The following KCNMA1 variants were observed in gnomAD, a reference collection of about 807,000 sequenced individuals.
The protein encoded by KCNMA1 is Calcium-activated potassium channel subunit alpha-1.
A neutral mutation model predicts 140.0 loss-of-function variants in KCNMA1; 29 were observed. That is an observed-to-expected ratio of 0.21 (90% CI 0.15 to 0.28). KCNMA1 has a LOEUF of 0.28. KCNMA1 is among the 10% of genes least tolerant of loss of function. The pLI, the probability that KCNMA1 is intolerant of heterozygous loss-of-function variation, is 1.00. For missense variants in KCNMA1, 880 were observed against 1,602.2 expected (o/e 0.55, Z 7.70); for synonymous variants, 612 against 611.9 (o/e 1.00, Z 0.00).
At chr10:77,037,265 T>TA (rs1196430583) in intron 15 of KCNMA1, among the ~76,000 whole-genome samples, 3 of 152,296 alleles carry the variant, frequency 2.0e-5, no homozygotes, top group Non-Finnish European at 4.4e-5. Flanking sequence ...TGGCCTGGTT[T>TA]AAGATATCAG....
intron 1 of KCNMA1, among the ~76,000 whole-genome samples, chr10:77,494,794 T>C (rs764422544): frequency 2.6e-5 from 4 of 152,144 alleles, no homozygotes; most frequent in Non-Finnish European, 4.4e-5. Flanking sequence ...AAGTCTGACA[T>C]GGAGATGTCG....
chr10:77,233,987 T>C (rs2054538291), intron 3 of KCNMA1, among the ~76,000 whole-genome samples: 1 of 152,216 alleles, frequency 6.6e-6, no homozygotes, highest in African/African-American at 2.4e-5. Context: ...CTTGTAACTT[T>C]TTTTAGCAAC....
chr10:77,592,513 C>A (rs2079516305), intron 1 of KCNMA1, among the ~76,000 whole-genome samples: 1 of 152,204 alleles, frequency 6.6e-6, no homozygotes, highest in Non-Finnish European at 1.5e-5. Flanking sequence ...ATTCTCTGTA[C>A]TAATTTGCAA....
chr10:77,215,930 T>C (rs1227046023), intron 3 of KCNMA1, among the ~76,000 whole-genome samples: 1 of 151,018 alleles, frequency 6.6e-6, no homozygotes, highest in African/African-American at 2.4e-5. Flanking sequence ...TCTCTCTCTC[T>C]GCCGTGTGAG....
At chr10:77,271,253 A>C (rs1053575686) in intron 2 of KCNMA1, among the ~76,000 whole-genome samples, 2 of 152,248 alleles carry the variant, frequency 1.3e-5, no homozygotes, top group Non-Finnish European at 2.9e-5. Flanking sequence ...CCCAATGGGC[A>C]CATGTTGCAA....
intron 17 of KCNMA1, among the ~76,000 whole-genome samples, chr10:77,013,615 A>G (rs755029254): frequency 6.6e-5 from 10 of 152,166 alleles, no homozygotes; most frequent in Admixed American, 2.0e-4. Context: ...CTTAACACAT[A>G]ATGATAATAA....
intron 1 of KCNMA1, among the ~76,000 whole-genome samples, chr10:77,526,106 T>C (rs893514301): frequency 1.3e-5 from 2 of 152,164 alleles, no homozygotes; most frequent in East Asian, 3.9e-4. Context: ...ACTGCAGCTA[T>C]CTTGCGGCCA....
At chr10:77,601,742 C>A (rs1044787652) in intron 1 of KCNMA1, among the ~76,000 whole-genome samples, 1 of 152,160 alleles carries the variant, frequency 6.6e-6, no homozygotes, top group African/African-American at 2.4e-5. Flanking sequence ...ACCAAGGCCA[C>A]TTTATTTGTC....
chr10:77,556,374 A>G (rs1010971027), intron 1 of KCNMA1, among the ~76,000 whole-genome samples: 3 of 151,764 alleles, frequency 2.0e-5, no homozygotes, highest in Non-Finnish European at 4.4e-5. Context: ...GCATAGTAGC[A>G]TGTGCCTGTA....
chr10:76,930,720 T>C (rs1457974522), intron 23 of KCNMA1, among the ~76,000 whole-genome samples: 2 of 152,050 alleles, frequency 1.3e-5, no homozygotes, highest in Non-Finnish European at 2.9e-5. Context: ...TAGAAACCAC[T>C]GGTGTCCATT....
chr10:76,938,816 C>A (rs983646181), intron 23 of KCNMA1, among the ~76,000 whole-genome samples: 2 of 152,138 alleles, frequency 1.3e-5, no homozygotes, highest in African/African-American at 2.4e-5. Context: ...TCTTTGCCGT[C>A]ACTTCCATTC....
At chr10:77,484,773 T>C (rs2098442228) in intron 1 of KCNMA1, among the ~76,000 whole-genome samples, 1 of 152,228 alleles carries the variant, frequency 6.6e-6, no homozygotes, top group South Asian at 2.1e-4. Context: ...AGAATCTGCA[T>C]CGCCAACAAC....
At chr10:77,181,940 G>A (rs1035767324) in intron 5 of KCNMA1, among the ~76,000 whole-genome samples, 3 of 151,956 alleles carry the variant, frequency 2.0e-5, no homozygotes, top group African/African-American at 4.8e-5. Context: ...GCATGCACAC[G>A]TGTATGTGCA....
At chr10:77,258,072 C>T (rs1322362401) in intron 2 of KCNMA1, among the ~76,000 whole-genome samples, 1 of 152,144 alleles carries the variant, frequency 6.6e-6, no homozygotes, top group Non-Finnish European at 1.5e-5. Context: ...CTCTTAAGCA[C>T]GTCACCTAAT....
intron 1 of KCNMA1, among the ~76,000 whole-genome samples, chr10:77,602,455 T>C (rs1308788262): frequency 2.6e-5 from 4 of 152,154 alleles, no homozygotes; most frequent in African/African-American, 9.7e-5. Context: ...TCTTTTAGGT[T>C]GATGAAAATG....
chr10:76,962,514 G>A (rs2072005864), intron 20 of KCNMA1, among the ~76,000 whole-genome samples: 1 of 152,112 alleles, frequency 6.6e-6, no homozygotes, highest in African/African-American at 2.4e-5. Flanking sequence ...TGACTTTATT[G>A]AGCATCTATT....
intron 13 of KCNMA1, among the ~76,000 whole-genome samples, chr10:77,079,049 T>A (rs2096485846): frequency 6.6e-6 from 1 of 152,072 alleles, no homozygotes; most frequent in African/African-American, 2.4e-5. Flanking sequence ...GGCGGGCAGA[T>A]CACCTGAGGT....
intron 2 of KCNMA1, among the ~76,000 whole-genome samples, chr10:77,301,987 T>C (rs185655153): frequency 3.3e-5 from 5 of 151,910 alleles, no homozygotes; most frequent in African/African-American, 9.7e-5. Flanking sequence ...GGAGTAGGAA[T>C]GGGCAAAGTG....
intron 2 of KCNMA1, among the ~76,000 whole-genome samples, chr10:77,364,993 G>A (rs558091930): frequency 3.3e-5 from 5 of 152,256 alleles, no homozygotes; most frequent in Admixed American, 6.5e-5. Flanking sequence ...CAATCCACTC[G>A]GGGAAAAATT....
Sources: allele counts gnomAD v4.1 joint callset (sites outside exome capture counted in the v4.1 genomes callset), GRCh38; gene constraint gnomAD v4.1.1; transcripts MANE v1.5; gene names NCBI Gene and HGNC (gene_info 2026-07-23, HGNC 2026-07-21).